Variants in SETBP1 observed in about 807,000 individuals in gnomAD.
The protein encoded by SETBP1 is SET-binding protein.
Under a neutral mutation model 101.0 loss-of-function variants are expected in SETBP1, and 9 were observed. The observed-to-expected ratio is 0.09, with a 90% CI of 0.05 to 0.16. The LOEUF is 0.16. Among genes scored for constraint, SETBP1 ranks in the 10% least tolerant of loss-of-function variants. The pLI is 1.00. For missense variants in SETBP1, 1,858 were observed against 2,033.8 expected, an observed-to-expected ratio of 0.91 and a Z score of 1.66; for synonymous variants, 818 against 788.5, an observed-to-expected ratio of 1.04 and a Z score of -0.63.
chr18:44,967,671 T>C (rs1391554607), intron 4 of SETBP1, among the ~76,000 whole-genome samples: 2 of 152,312 alleles, frequency 1.3e-5, no homozygotes, highest in African/African-American at 4.8e-5. Context: ...CCTGTGGTTT[T>C]AGGTCTGAGG....
chr18:44,970,726 T>C (rs2071829567), intron 4 of SETBP1, among the ~76,000 whole-genome samples: 2 of 152,088 alleles, frequency 1.3e-5, no homozygotes, highest in Admixed American at 6.6e-5. Flanking sequence ...TAATTTTGTA[T>C]TTTTAGTAGA....
intron 2 of SETBP1, among the ~76,000 whole-genome samples, chr18:44,868,207 AACTG>A (rs1489168178): frequency 6.6e-6 from 1 of 152,210 alleles, no homozygotes; most frequent in African/African-American, 2.4e-5. Context: ...AAGTACATAT[AACTG>A]ACTTTTATTC....
At chr18:44,713,616 C>G (rs1372873121) in intron 2 of SETBP1, among the ~76,000 whole-genome samples, 2 of 152,200 alleles carry the variant, frequency 1.3e-5, no homozygotes, top group African/African-American at 4.8e-5. Context: ...GTAACCTCCT[C>G]TGTTCTAGAC....
intron 2 of SETBP1, among the ~76,000 whole-genome samples, chr18:44,830,586 C>T (rs1301923257): frequency 6.6e-6 from 1 of 152,114 alleles, no homozygotes; most frequent in Non-Finnish European, 1.5e-5. Context: ...GGTGTTTCTG[C>T]TTATTTGATT....
intron 2 of SETBP1, among the ~76,000 whole-genome samples, chr18:44,790,084 A>G (rs1299931944): frequency 6.6e-6 from 1 of 152,196 alleles, no homozygotes; most frequent in Admixed American, 6.5e-5. Context: ...CACAGATTAC[A>G]GTTCTGTGAT....
rs190433731 is a variant in SETBP1 at position 44,682,488 on chromosome 18, T to C, written c.-173+1467T>C. ...ATCCCAGGTCACTCCCTCCCTTTTT[T>C]TCTGATTTCTCTGGCTTCTACCATC... On this transcript the variant is annotated intron_variant, in intron 1 of 5. Transcript: ENST00000649279. Among the ~76,000 whole-genome samples the C allele has an allele frequency of 5.0e-3, 762 of 152,298 alleles. 11 individuals are homozygous for C. Among genetic ancestry groups the C allele is most frequent in the Admixed American group, 7.4e-3 (113 of 15,304 alleles).
At chr18:44,768,033 A>G (rs1028578896) in intron 2 of SETBP1, among the ~76,000 whole-genome samples, 2 of 152,182 alleles carry the variant, frequency 1.3e-5, no homozygotes, top group Non-Finnish European at 2.9e-5. Context: ...TCTTTCCCGT[A>G]ATAGACTGAG....
chr18:44,992,557 C>T (rs1568014827), intron 4 of SETBP1, among the ~76,000 whole-genome samples: 2 of 151,952 alleles, frequency 1.3e-5, no homozygotes, highest in Admixed American at 1.3e-4. Flanking sequence ...GATGAAAAGA[C>T]TAATGTATTA....
chr18:45,053,213 T>A (rs574015955), intron 5 of SETBP1, among the ~76,000 whole-genome samples: 20 of 152,278 alleles, frequency 1.3e-4, no homozygotes, highest in African/African-American at 4.6e-4. Flanking sequence ...ATCAAACCAA[T>A]TTTTCTGTAC....
At chr18:45,048,844 C>T (rs367935485) in intron 5 of SETBP1, among the ~76,000 whole-genome samples, 2 of 150,380 alleles carry the variant, frequency 1.3e-5, no homozygotes, top group East Asian at 1.9e-4. Flanking sequence ...CGGTGGCGGG[C>T]GCCTGTAGTC....
intron 4 of SETBP1, among the ~76,000 whole-genome samples, chr18:45,010,634 A>G (rs957489648): frequency 6.6e-6 from 1 of 152,232 alleles, no homozygotes; most frequent in Non-Finnish European, 1.5e-5. Flanking sequence ...TATGAAAATG[A>G]TTTCTAGAAT....
intron 4 of SETBP1, among the ~76,000 whole-genome samples, chr18:45,025,875 A>C (rs543795392): frequency 2.6e-5 from 4 of 152,340 alleles, no homozygotes; most frequent in African/African-American, 9.6e-5. Flanking sequence ...ATGTTGGGCT[A>C]ATCTTTCGCA....
chr18:44,885,777 C>G (rs1184428007), intron 3 of SETBP1, among the ~76,000 whole-genome samples: 3 of 144,432 alleles, frequency 2.1e-5, no homozygotes, highest in Non-Finnish European at 4.5e-5. Flanking sequence ...AACCCTGGAT[C>G]GTGTGTAGAC....
chr18:44,967,075 C>G (rs2071736172), intron 4 of SETBP1, among the ~76,000 whole-genome samples: 1 of 152,070 alleles, frequency 6.6e-6, no homozygotes, highest in Non-Finnish European at 1.5e-5. Context: ...GCTTTCCTGC[C>G]CAATTACACT....
chr18:44,820,423 C>T (rs73952925), intron 2 of SETBP1, among the ~76,000 whole-genome samples: 4 of 152,170 alleles, frequency 2.6e-5, no homozygotes, highest in Non-Finnish European at 4.4e-5. Context: ...ACCTGCTGGT[C>T]CTCTATGTGG....
At chr18:44,849,669 T>TGA (rs3085859) in intron 2 of SETBP1, among the ~76,000 whole-genome samples, 24,970 of 148,452 alleles carry the variant, frequency 0.17, 2,275 homozygotes, top group South Asian at 0.25. Context: ...AGCACTGGGA[T>TGA]GAGAGAGAGA....
intron 4 of SETBP1, among the ~76,000 whole-genome samples, chr18:44,999,772 A>G (rs1024580141): frequency 3.3e-5 from 5 of 152,218 alleles, no homozygotes; most frequent in African/African-American, 1.2e-4. Flanking sequence ...CCAACAGCAC[A>G]CGTAATTATT....
chr18:44,744,780 A>C (rs1402281177), intron 2 of SETBP1, among the ~76,000 whole-genome samples: 4 of 128,754 alleles, frequency 3.1e-5, no homozygotes, highest in African/African-American at 8.0e-5. Flanking sequence ...AAAAAAAAAA[A>C]AACAAAAAAA....
intron 4 of SETBP1, among the ~76,000 whole-genome samples, chr18:44,966,804 C>A (rs990570741): frequency 3.3e-5 from 5 of 152,126 alleles, no homozygotes; most frequent in African/African-American, 1.2e-4. Context: ...GCTAAATATC[C>A]CACTTGCTCG....
Sources: gnomAD v4.1 joint callset for allele counts (sites outside exome capture counted in the v4.1 genomes callset) on GRCh38, gnomAD v4.1.1 for gene constraint, MANE v1.5 for transcripts, NCBI Gene and HGNC (gene_info 2026-07-23, HGNC 2026-07-21) for gene names.